Variants in TEAD1 observed in about 807,000 individuals in gnomAD.
TEAD1 encodes the protein TEA domain transcription factor 1.
In TEAD1, 9 loss-of-function variants were observed where a neutral mutation model predicts 54.9. That is an observed-to-expected ratio of 0.16 (90% CI 0.10 to 0.29). The LOEUF (loss-of-function observed/expected upper bound fraction) is 0.29. Among genes scored for constraint, TEAD1 ranks in the 10% least tolerant of loss-of-function variants. The pLI is 1.00. For missense variants in TEAD1, 387 were observed against 535.9 expected, an observed-to-expected ratio of 0.72 and a Z score of 2.74; for synonymous variants, 200 against 187.8, an observed-to-expected ratio of 1.07 and a Z score of -0.53.
intron 3 of TEAD1, among the ~76,000 whole-genome samples, chr11:12,808,879 A>G (rs1946232226): frequency 6.6e-6 from 1 of 152,156 alleles, no homozygotes; most frequent in African/African-American, 2.4e-5. Context: ...CCCATTCCAT[A>G]AGGTGGCTGT....
chr11:12,820,816 T>G (rs1349484722), intron 3 of TEAD1, among the ~76,000 whole-genome samples: 2 of 152,140 alleles, frequency 1.3e-5, no homozygotes, highest in East Asian at 1.9e-4. Context: ...GCCATTGAGG[T>G]ACATTAACTT....
chr11:12,753,844 T>A (rs897899683), intron 2 of TEAD1, among the ~76,000 whole-genome samples: 3 of 152,228 alleles, frequency 2.0e-5, no homozygotes, highest in Admixed American at 6.5e-5. Flanking sequence ...CTGCTAAGAA[T>A]CCTTATAAAT....
intron 2 of TEAD1, among the ~76,000 whole-genome samples, chr11:12,691,527 T>G (rs1943457246): frequency 6.6e-6 from 1 of 152,320 alleles, no homozygotes; most frequent in African/African-American, 2.4e-5. Flanking sequence ...AAAGCTTTCC[T>G]TGCACACTTG....
intron 3 of TEAD1, among the ~76,000 whole-genome samples, chr11:12,826,429 TG>T (rs1424997914): frequency 1.3e-5 from 2 of 152,310 alleles, no homozygotes; most frequent in African/African-American, 4.8e-5. Context: ...TCCTCCATAG[TG>T]GGGAATCCAT....
At chr11:12,777,149 T>G (rs778309407) in intron 3 of TEAD1, among the ~76,000 whole-genome samples, 2 of 152,104 alleles carry the variant, frequency 1.3e-5, no homozygotes, top group Admixed American at 6.5e-5. Context: ...CCTCTTAGCC[T>G]TTTAGAACAC....
Position 12,873,323 on chromosome 11 carries a change from C to G in TEAD1, c.331-6385C>G, listed in dbSNP as rs1035109418. On this transcript the variant is annotated intron_variant, in intron 5 of 12. Transcript: ENST00000527636. ...CACCTGGATCCGGCAGGAAGCTGTC[C>G]TAAATCCCAGGCTTCCTGGGAGAGA... Among the ~76,000 whole-genome samples, 65 of 152,208 alleles carry G rather than the reference C, an allele frequency of 4.3e-4. 1 individual carries two copies. The highest frequency in any genetic ancestry group is 1.8e-4 in the Non-Finnish European group (12 of 68,022).
intron 2 of TEAD1, among the ~76,000 whole-genome samples, chr11:12,695,412 A>C (rs1424009464): frequency 6.6e-6 from 1 of 152,220 alleles, no homozygotes; most frequent in African/African-American, 2.4e-5. Flanking sequence ...GAGAGGTACA[A>C]ATCCAGTTAT....
At chr11:12,756,556 G>T (rs1162719426) in intron 2 of TEAD1, among the ~76,000 whole-genome samples, 1 of 152,188 alleles carries the variant, frequency 6.6e-6, no homozygotes, top group Admixed American at 6.5e-5. Context: ...ATTCCTCTCA[G>T]CTGCCCACAG....
chr11:12,677,857 G>A (rs577436143), intron 2 of TEAD1, among the ~76,000 whole-genome samples: 2 of 152,234 alleles, frequency 1.3e-5, no homozygotes, highest in Middle Eastern at 3.4e-3. Context: ...GGCATTTGTG[G>A]GATTACTTTT....
intron 3 of TEAD1, among the ~76,000 whole-genome samples, chr11:12,814,363 G>A (rs1946369834): frequency 6.6e-6 from 1 of 152,168 alleles, no homozygotes; most frequent in African/African-American, 2.4e-5. Context: ...CAAGTTTGTA[G>A]GAACCAGAGT....
At chr11:12,894,124 T>C (rs532915528) in intron 9 of TEAD1, among the ~76,000 whole-genome samples, 15 of 152,252 alleles carry the variant, frequency 9.9e-5, no homozygotes, top group Non-Finnish European at 1.6e-4. Context: ...GTTATTTGTC[T>C]TGATTTCTTT....
At chr11:12,694,944 A>G (rs987049372) in intron 2 of TEAD1, among the ~76,000 whole-genome samples, 1 of 152,232 alleles carries the variant, frequency 6.6e-6, no homozygotes, top group Non-Finnish European at 1.5e-5. Flanking sequence ...TTAGATATTG[A>G]TGCTACCTTT....
chr11:12,815,823 A>G (rs1053865425), intron 3 of TEAD1, among the ~76,000 whole-genome samples: 1 of 152,214 alleles, frequency 6.6e-6, no homozygotes, highest in Non-Finnish European at 1.5e-5. Context: ...GGCCACACCA[A>G]CACATATAAG....
intron 9 of TEAD1, among the ~76,000 whole-genome samples, chr11:12,896,044 T>C (rs540319409): frequency 1.3e-5 from 2 of 151,842 alleles, no homozygotes; most frequent in Non-Finnish European, 2.9e-5. Context: ...TTAAAAAAAA[T>C]TAGCATTCAG....
chr11:12,828,792 AT>A lies in TEAD1; in HGVS notation c.203-33445del, dbSNP rs34175882. On this transcript the variant is annotated intron_variant, in intron 3 of 12. Transcript: ENST00000527636. The stretch of plus-strand genomic sequence containing the variant: ...GAGTCCTTGTTTCTTATTGATTTGC[AT>A]TTTTTTTTTTTTCTGTATAGCCTTA... 4.9e-3 allele frequency among the ~76,000 whole-genome samples: 589 copies of A among 120,466 alleles called. 4 individuals carry two copies. Among genetic ancestry groups the A allele is most frequent in the African/African-American group, 0.017 (512 of 30,918 alleles). The allele number at this position is 120,466 out of a possible 152,430, so 79.0% of individuals were successfully genotyped here.
rs577815108 is a variant in TEAD1 at position 12,791,520 on chromosome 11, C to T, written c.202+27086C>T. On this transcript the variant is annotated intron_variant, in intron 3 of 12. Transcript: ENST00000527636. ...GGGGTGGGCAGGTCCTTCTTATAGA[C>T]GGTTTTGTGACTAAGATACCTGATC... is the stretch of plus-strand genomic sequence containing the variant. Among the ~76,000 whole-genome samples, 8 of 152,160 alleles carry T rather than the reference C, an allele frequency of 5.3e-5. No individual in the cohort carries two copies. In the East Asian group the frequency reaches 7.7e-4, roughly 15 times the overall value.
In TEAD1 at chr11:12,770,084, G is replaced by A. The variant is rs371879345; in HGVS notation, c.202+5650G>A. 5.4e-4 allele frequency among the ~76,000 whole-genome samples: 82 copies of A among 152,302 alleles called. 1 individual carries two copies. Among genetic ancestry groups the A allele is most frequent in the African/African-American group, 1.9e-3 (78 of 41,542 alleles). ...AAATGTTAGTTGAAGAGATAGAAAA[G>A]ATTTCTGCACAAAATATGGACAATA... On this transcript the variant is annotated intron_variant, in intron 3 of 12. Transcript: ENST00000527636.
chr11:12,721,630 C>T (rs1433565763), intron 2 of TEAD1, among the ~76,000 whole-genome samples: 1 of 152,182 alleles, frequency 6.6e-6, no homozygotes, highest in Non-Finnish European at 1.5e-5. Context: ...ATTATGTTCC[C>T]AGCATTATGC....
chr11:12,841,929 CT>C (rs1233752116), intron 3 of TEAD1, among the ~76,000 whole-genome samples: 1 of 152,152 alleles, frequency 6.6e-6, no homozygotes, highest in Admixed American at 6.5e-5. Flanking sequence ...GGGAAGGTCT[CT>C]TTTAAAATGT....
Sources: gnomAD v4.1 joint callset for allele counts (sites outside exome capture counted in the v4.1 genomes callset) on GRCh38, gnomAD v4.1.1 for gene constraint, MANE v1.5 for transcripts, NCBI Gene and HGNC (gene_info 2026-07-23, HGNC 2026-07-21) for gene names.